The following ZBTB7C variants were observed in gnomAD, a reference collection of about 807,000 sequenced individuals.
ZBTB7C encodes zinc finger and BTB domain containing 7C.
ZBTB7C carries 8 observed loss-of-function variants against 25.7 expected under a neutral mutation model. That is an observed-to-expected ratio of 0.31 (90% CI 0.18 to 0.56). ZBTB7C has a LOEUF of 0.56. Ranked by LOEUF, ZBTB7C falls within the 20% of genes least tolerant of loss-of-function variation. The pLI, the probability that ZBTB7C is intolerant of heterozygous loss-of-function variation, is 0.91. For missense variants in ZBTB7C, 824 were observed against 855.2 expected (o/e 0.96, Z 0.46); for synonymous variants, 394 against 369.0 (o/e 1.07, Z -0.78).
chr18:48,273,710 G>A (rs2044557414), intron 2 of ZBTB7C, among the ~76,000 whole-genome samples: 1 of 151,974 alleles, frequency 6.6e-6, no homozygotes, highest in African/African-American at 2.4e-5. Flanking sequence ...ATGGCTCATG[G>A]TATATGGATA....
At chr18:48,241,442 C>T (rs113316447) in intron 2 of ZBTB7C, among the ~76,000 whole-genome samples, 2,589 of 152,160 alleles carry the variant, frequency 0.017, 33 homozygotes, top group Middle Eastern at 0.075. Context: ...CCAAGACAGA[C>T]CATATAATAG....
intron 1 of ZBTB7C, chr18:48,364,146 A>G (rs1441941792): frequency 2.0e-5 from 3 of 152,320 alleles, no homozygotes; most frequent in Middle Eastern, 3.4e-3. Context: ...TTTGTGCCCA[A>G]TACTCACTTG....
In ZBTB7C at chr18:48,094,741, T is replaced by C. The variant is rs555613106; in HGVS notation, c.-16-53618A>G. ...AATCAAGGTTTTACTGCATTTTCAA[T>C]TGCAGTGAGTTACACAGTGGTTTGC... On this transcript the variant is annotated intron_variant, in intron 3 of 4. Transcript: ENST00000590800. Among the ~76,000 whole-genome samples, 3 of 152,340 alleles carry C rather than the reference T, an allele frequency of 2.0e-5. No homozygotes were observed. The South Asian group carries it at 6.2e-4, about 32-fold the overall frequency.
At chr18:48,280,171 G>A (rs1202383242) in intron 2 of ZBTB7C, among the ~76,000 whole-genome samples, 1 of 152,070 alleles carries the variant, frequency 6.6e-6, no homozygotes, top group Non-Finnish European at 1.5e-5. Flanking sequence ...GTGCTGAGTG[G>A]AGCCAGCTTG....
chr18:48,046,906 G>T (rs996631383), intron 3 of ZBTB7C, among the ~76,000 whole-genome samples: 1 of 152,184 alleles, frequency 6.6e-6, no homozygotes, highest in African/African-American at 2.4e-5. Flanking sequence ...TGGATCTGAC[G>T]ATGGGGACAG....
At chr18:48,165,191 A>T (rs779459128) in intron 3 of ZBTB7C, 33 of 1,206,466 alleles carry the variant, frequency 2.7e-5, no homozygotes, top group Non-Finnish European at 3.5e-5. Flanking sequence ...TTCTTGTCCA[A>T]GGTCACAAAG....
At chr18:48,237,270 A>G (rs573301970) in intron 2 of ZBTB7C, among the ~76,000 whole-genome samples, 3 of 152,292 alleles carry the variant, frequency 2.0e-5, no homozygotes, top group Admixed American at 2.0e-4. Context: ...GAAATGATGC[A>G]AAGAGCAAAT....
chr18:48,116,733 T>C lies in ZBTB7C; in HGVS notation c.-17+69201A>G, dbSNP rs180878129. On this transcript the variant is annotated intron_variant, in intron 3 of 4. Transcript: ENST00000590800. ...GGCCCTCTCTGTCATTCCTCATCTA[T>C]TGCTGTTGAAATCCTCCAAGGCCCA... Among the ~76,000 whole-genome samples the C allele has an allele frequency of 1.0e-3, 153 of 152,238 alleles. 1 individual carries two copies. Among genetic ancestry groups the C allele is most frequent in the African/African-American group, 3.6e-3 (150 of 41,566 alleles).
At chr18:48,330,260 G>A (rs925408600) in intron 2 of ZBTB7C, among the ~76,000 whole-genome samples, 7 of 152,212 alleles carry the variant, frequency 4.6e-5, no homozygotes, top group African/African-American at 1.7e-4. Context: ...AATGTACCTT[G>A]TTGAGGTCTC....
intron 3 of ZBTB7C, chr18:48,165,310 C>A: frequency 2.2e-6 from 1 of 450,156 alleles, no homozygotes; most frequent in Non-Finnish European, 4.4e-6. Flanking sequence ...GAATCTAAGA[C>A]AACACTCCGA....
chr18:48,338,819 T>C (rs930667016), intron 1 of ZBTB7C, among the ~76,000 whole-genome samples: 1 of 151,248 alleles, frequency 6.6e-6, no homozygotes, highest in Admixed American at 6.6e-5. Flanking sequence ...GTGAGATGTA[T>C]ATAGAAGTGC....
chr18:48,226,402 A>G (rs1324685661), intron 2 of ZBTB7C, among the ~76,000 whole-genome samples: 1 of 152,198 alleles, frequency 6.6e-6, no homozygotes, highest in Non-Finnish European at 1.5e-5. Context: ...AATCAATCAC[A>G]ATCAACCATA....
rs575111067 is a variant in ZBTB7C at position 48,083,971 on chromosome 18, C to T, written c.-16-42848G>A. 56 of 829,862 alleles carry T rather than the reference C, an allele frequency of 6.7e-5. No homozygotes were observed. In the East Asian group the frequency reaches 1.6e-3, roughly 24 times the overall value. The allele number at this position is 829,862 out of a possible 1,614,324, so 51.4% of individuals were successfully genotyped here. ...CGACCTGAGACCGACTCTCCAGGGT[C>T]GTCGCAGGGACAGCCTCCTCCCTTG... On this transcript the variant is annotated intron_variant, in intron 3 of 4. Transcript: ENST00000590800.
chr18:48,103,945 G>A (rs1017164765), intron 3 of ZBTB7C, among the ~76,000 whole-genome samples: 10 of 152,220 alleles, frequency 6.6e-5, no homozygotes, highest in Admixed American at 6.5e-4. Flanking sequence ...GCAGGTTAGA[G>A]GGAAATGGGG....
chr18:48,196,481 T>TG (rs2042321247), intron 2 of ZBTB7C, among the ~76,000 whole-genome samples: 1 of 152,106 alleles, frequency 6.6e-6, no homozygotes, highest in African/African-American at 2.4e-5. Flanking sequence ...GTAGGTTGCT[T>TG]GGGGAAGGAT....
chr18:48,102,307 T>C (rs1053998055), intron 3 of ZBTB7C, among the ~76,000 whole-genome samples: 1 of 152,122 alleles, frequency 6.6e-6, no homozygotes, highest in Non-Finnish European at 1.5e-5. Flanking sequence ...CTCGCAGCTG[T>C]AGTTCCAGAA....
intron 2 of ZBTB7C, among the ~76,000 whole-genome samples, chr18:48,294,539 C>T (rs1271663132): frequency 1.3e-5 from 2 of 152,134 alleles, no homozygotes; most frequent in East Asian, 3.9e-4. Context: ...CTGGGTGCAG[C>T]CCAGAGCGAG....
chr18:48,355,238 T>C (rs2046950873), intron 1 of ZBTB7C, among the ~76,000 whole-genome samples: 1 of 152,036 alleles, frequency 6.6e-6, no homozygotes, highest in Non-Finnish European at 1.5e-5. Flanking sequence ...TCAAGGACTG[T>C]GGGGGAAGAA....
intron 1 of ZBTB7C, among the ~76,000 whole-genome samples, chr18:48,352,966 T>C (rs545950192): frequency 8.5e-5 from 13 of 152,296 alleles, no homozygotes; most frequent in Non-Finnish European, 4.4e-5. Flanking sequence ...AGAATCATCA[T>C]CTGCCCTGCC....
Sources: allele counts gnomAD v4.1 joint callset (sites outside exome capture counted in the v4.1 genomes callset), GRCh38; gene constraint gnomAD v4.1.1; transcripts MANE v1.5; gene names NCBI Gene and HGNC (gene_info 2026-07-23, HGNC 2026-07-21).